The following NDEL1 variants were observed in gnomAD, a reference collection of about 807,000 sequenced individuals.
NDEL1 encodes nudE neurodevelopment protein 1 like 1.
In NDEL1, 9 loss-of-function variants were observed where a neutral mutation model predicts 45.7. That is an observed-to-expected ratio of 0.20 (90% CI 0.12 to 0.34). NDEL1 has a LOEUF of 0.34. NDEL1 is among the 10% of genes least tolerant of loss of function. The pLI is 1.00. For missense variants in NDEL1, 306 were observed against 406.2 expected (o/e 0.75, Z 2.12); for synonymous variants, 133 against 158.6 (o/e 0.84, Z 1.21).
At chr17:8,454,955 G>A in intron 7 of NDEL1, 68 bp downstream of exon 7, 1 of 1,370,430 alleles carries the variant, frequency 7.3e-7, no homozygotes, top group East Asian at 2.3e-5. Flanking sequence ...TTAATTTGAA[G>A]TGAGGGAAGA....
At chr17:8,418,962 C>G (rs1016685305) in intron 1 of NDEL1, among the ~76,000 whole-genome samples, 4 of 152,002 alleles carry the variant, frequency 2.6e-5, no homozygotes, top group Admixed American at 1.3e-4. Context: ...GATCCTCCCA[C>G]CAGAGCCTCC....
At chr17:8,414,131 C>T (rs1908487611) in intron 1 of NDEL1, among the ~76,000 whole-genome samples, 3 of 152,098 alleles carry the variant, frequency 2.0e-5, no homozygotes, top group Admixed American at 2.0e-4. Context: ...TCCTTTTTAA[C>T]AGCTATGTAG....
chr17:8,444,110 C>T lies in NDEL1; in HGVS notation c.-12-150C>T, dbSNP rs189602068. 2,283 of 566,996 alleles carry T rather than the reference C, an allele frequency of 4.0e-3. 19 individuals are homozygous for T. Among genetic ancestry groups the T allele is most frequent in the South Asian group, 0.014 (659 of 46,472 alleles). The allele number at this position is 566,996 out of a possible 1,614,324, so 35.1% of individuals were successfully genotyped here. ...GAGAGTGGAGCAGTGGAGTGATTGA[C>T]GTGCCTGAGTTTGAAGAGAGTTAAC... On this transcript the variant is annotated intron_variant, in intron 1 of 8. Transcript: ENST00000334527.
At chr17:8,438,335 G>A (rs1909492670) in intron 1 of NDEL1, among the ~76,000 whole-genome samples, 1 of 152,080 alleles carries the variant, frequency 6.6e-6, no homozygotes, top group East Asian at 1.9e-4. Flanking sequence ...TTAGCAGTAT[G>A]TTTTCTATAT....
intron 5 of NDEL1, among the ~76,000 whole-genome samples, chr17:8,449,915 C>T (rs1388460525): frequency 6.6e-6 from 1 of 152,172 alleles, no homozygotes; most frequent in African/African-American, 2.4e-5. Flanking sequence ...TGACTTTGTT[C>T]CTTTTTTAAC....
At chr17:8,428,451 G>A (rs111828237) in intron 1 of NDEL1, among the ~76,000 whole-genome samples, 2,563 of 144,908 alleles carry the variant, frequency 0.018, 70 homozygotes, top group African/African-American at 0.062. Context: ...TGCAACCTCC[G>A]CCTCCCAGGT....
In NDEL1 at chr17:8,449,273, G is replaced by T. The variant is rs370348902; in HGVS notation, c.526+587G>T. Among the ~76,000 whole-genome samples, 13 of 152,232 alleles carry T rather than the reference G, an allele frequency of 8.5e-5. No homozygotes were observed. The East Asian group carries it at 2.3e-3, about 27-fold the overall frequency. On this transcript the variant is annotated intron_variant, in intron 5 of 8. Coordinates refer to ENST00000334527, the MANE Select transcript of NDEL1 (RefSeq NM_030808.5). ...TGGGATTACAGACGTGAGCCACCGC[G>T]CCTGGCCCCATCCAGCTAATTAAGA...
chr17:8,458,751 G>T (rs1911010821), intron 7 of NDEL1, among the ~76,000 whole-genome samples: 1 of 152,036 alleles, frequency 6.6e-6, no homozygotes, highest in Non-Finnish European at 1.5e-5. Context: ...TTTTGAGACA[G>T]AGTCTCACTC....
intron 7 of NDEL1, among the ~76,000 whole-genome samples, chr17:8,458,170 G>T (rs1200554609): frequency 2.8e-5 from 4 of 143,452 alleles, no homozygotes; most frequent in African/African-American, 1.0e-4. Flanking sequence ...AACACTGACC[G>T]TTTTTTTTTT....
At chr17:8,430,253 G>A (rs1908965769) in intron 1 of NDEL1, among the ~76,000 whole-genome samples, 2 of 152,166 alleles carry the variant, frequency 1.3e-5, no homozygotes, top group Admixed American at 1.3e-4. Flanking sequence ...CCAGTCAGTG[G>A]GTGTCCCTTG....
rs554155480 is a variant in NDEL1, at chr17:8,449,131, C to T, written c.526+445C>T. Among the ~76,000 whole-genome samples the T allele has an allele frequency of 1.9e-3, 286 of 152,272 alleles. 1 individual carries two copies. Among genetic ancestry groups the T allele is most frequent in the African/African-American group, 6.5e-3 (272 of 41,556 alleles). ...TCGAGTAGCTGGGATTACAGGCGCC[C>T]GCCACCACACCCAGCTGATTTTTGT... On this transcript the variant is annotated intron_variant, in intron 5 of 8. Transcript: ENST00000334527.
At chr17:8,432,181 T>C (rs1909015635), upstream of NDEL1, 1 of 150,950 alleles carries the variant, frequency 6.6e-6, no homozygotes, top group Non-Finnish European at 1.5e-5. Context: ...GATACTTTCG[T>C]AACCATGATA....
chr17:8,438,410 C>T (rs1909497917), intron 1 of NDEL1, among the ~76,000 whole-genome samples: 1 of 152,184 alleles, frequency 6.6e-6, no homozygotes, highest in Admixed American at 6.5e-5. Context: ...ACACATCCTC[C>T]CAGTGTAACT....
upstream of NDEL1, among the ~76,000 whole-genome samples, chr17:8,433,643 G>A (rs1567722779): frequency 6.6e-6 from 1 of 152,136 alleles, no homozygotes; most frequent in Non-Finnish European, 1.5e-5. Context: ...GTTCAGACAT[G>A]TTATAGCAAG....
intron 1 of NDEL1, among the ~76,000 whole-genome samples, chr17:8,438,554 C>T (rs1909507477): frequency 6.6e-6 from 1 of 151,682 alleles, no homozygotes; most frequent in Non-Finnish European, 1.5e-5. Context: ...CTCATTTTGT[C>T]ACCCAGGCTG....
At chr17:8,442,670 C>G (rs999598828) in intron 1 of NDEL1, among the ~76,000 whole-genome samples, 5 of 148,976 alleles carry the variant, frequency 3.4e-5, no homozygotes, top group South Asian at 4.3e-4. Context: ...GAGATTTAAC[C>G]GTTCATTCCT....
At chr17:8,446,540 A>G (rs1910089006) in intron 3 of NDEL1, among the ~76,000 whole-genome samples, 1 of 152,192 alleles carries the variant, frequency 6.6e-6, no homozygotes, top group Non-Finnish European at 1.5e-5. Context: ...AGAGATTGTT[A>G]TTGGGTTTCT....
chr17:8,472,914 T>C (rs556509956), downstream of NDEL1, among the ~76,000 whole-genome samples: 3 of 152,120 alleles, frequency 2.0e-5, no homozygotes, highest in Non-Finnish European at 2.9e-5. Context: ...TGCTGCTGGG[T>C]AGAAGCTGAC....
intron 6 of NDEL1, among the ~76,000 whole-genome samples, chr17:8,453,297 C>A (rs939719805): frequency 6.6e-6 from 1 of 152,014 alleles, no homozygotes; most frequent in Non-Finnish European, 1.5e-5. Flanking sequence ...TAATAAACAA[C>A]AAAAAAGCCA....
Sources: gnomAD v4.1 joint callset for allele counts (sites outside exome capture counted in the v4.1 genomes callset) on GRCh38, gnomAD v4.1.1 for gene constraint, MANE v1.5 for transcripts, NCBI Gene and HGNC (gene_info 2026-07-23, HGNC 2026-07-21) for gene names.